Variants in IMPA2 observed in about 807,000 individuals in gnomAD.
IMPA2 encodes the protein inositol monophosphatase 2.
A neutral mutation model predicts 35.1 loss-of-function variants in IMPA2; 32 were observed. That is an observed-to-expected ratio of 0.91 (90% CI 0.69 to 1.23). The LOEUF (loss-of-function observed/expected upper bound fraction) is 1.23. Ranked by LOEUF, IMPA2 falls within the 50% of genes most tolerant of loss-of-function variation. The pLI, the probability that IMPA2 is intolerant of heterozygous loss-of-function variation, is 0.00. For missense variants in IMPA2, 334 were observed against 387.6 expected (o/e 0.86, Z 1.16); for synonymous variants, 135 against 160.6 (o/e 0.84, Z 1.20).
chr18:11,997,432 T>G lies in IMPA2; in HGVS notation c.97-1622T>G, dbSNP rs1906991570. ...TGGACATGGCTATGTGGACGCTGTA[T>G]GCTTTTTTTGGTATGACCTATCACA... is the stretch of plus-strand genomic sequence containing the variant. On this transcript the variant is annotated intron_variant, in intron 1 of 7. Coordinates refer to ENST00000269159, the MANE Select transcript of IMPA2 (RefSeq NM_014214.3). Among the ~76,000 whole-genome samples the G allele has an allele frequency of 2.0e-5, 3 of 152,218 alleles. No homozygotes were observed. The South Asian group carries it at 6.2e-4, about 31-fold the overall frequency.
Position 12,030,316 on chromosome 18 carries a change from T to C in IMPA2, c.752-27T>C. On this transcript the variant is annotated intron_variant, in intron 7 of 7. Coordinates refer to ENST00000269159, the MANE Select transcript of IMPA2 (RefSeq NM_014214.3). ...GTTCAGCCCTCTCTGGTAACCCGGA[T>C]GCCTGGCTCTCTCTGTCTGTCCCCA... 2.6e-6 allele frequency: 4 copies of C among 1,565,624 alleles called. No homozygotes were observed. The South Asian group carries it at 3.3e-5, about 13-fold the overall frequency.
Position 12,016,425 on chromosome 18 carries a change from C to CT in IMPA2, c.490+2068dup, listed in dbSNP as rs1262483020. Among the ~76,000 whole-genome samples the CT allele has an allele frequency of 7.6e-3, 1,002 of 132,330 alleles. 5 individuals carry two copies. The highest frequency in any genetic ancestry group is 7.3e-3 in the East Asian group (36 of 4,898). 86.8% of individuals were successfully genotyped at this position (132,330 alleles called of 152,430 possible). A position where few individuals can be genotyped will look rare whatever the true frequency, so the allele number is the denominator to read the frequency against. ...CCAATTTCAGATCCTGATTCTGCCGCTTTTTTTTTTTTTTTTCTGAGATGG... is the reference window on the plus strand; with the variant it reads ...CCAATTTCAGATCCTGATTCTGCCGCTTTTTTTTTTTTTTTTTCTGAGATGG... On this transcript the variant is annotated intron_variant, in intron 5 of 7. Coordinates refer to ENST00000269159, the MANE Select transcript of IMPA2 (RefSeq NM_014214.3).
At position 12,000,387 on chromosome 18, in the gene IMPA2, G is replaced by A. The variant is rs116009294; in HGVS notation, c.230+1200G>A. Among the ~76,000 whole-genome samples the A allele has an allele frequency of 3.2e-3, 463 of 144,716 alleles. 2 individuals are homozygous for A. Among genetic ancestry groups the A allele is most frequent in the African/African-American group, 0.011 (440 of 38,410 alleles). The allele number at this position is 144,716 out of a possible 152,430, so 94.9% of individuals were successfully genotyped here. On this transcript the variant is annotated intron_variant, in intron 2 of 7. Coordinates refer to ENST00000269159, the MANE Select transcript of IMPA2 (RefSeq NM_014214.3). ...TGATTATATAAATGAAAGAACAAGC[G>A]AGTGTTAAACACTTACCTTCTTTTT... is the stretch of plus-strand genomic sequence containing the variant.
At chr18:12,024,757 T>G (rs1907833585) in intron 5 of IMPA2, among the ~76,000 whole-genome samples, 1 of 152,004 alleles carries the variant, frequency 6.6e-6, no homozygotes, top group South Asian at 2.1e-4. Context: ...CCTCTTTCTT[T>G]CACTTTGTTT....
chr18:12,030,213 G>A (rs563878167), intron 7 of IMPA2, 130 bp from the exon 8 acceptor site: 75 of 676,720 alleles, frequency 1.1e-4, no homozygotes, highest in African/African-American at 1.1e-3. Context: ...TGTTTAATAC[G>A]AGTGTTGGGG....
Position 11,982,258 on chromosome 18 carries a change from G to A in IMPA2, c.96+493G>A, listed in dbSNP as rs148405756. On this transcript the variant is annotated intron_variant, in intron 1 of 7. Transcript: ENST00000269159. ...GCTCCGCGACGGCCACGGACTCAGA[G>A]TTCAGGAGGAACTTGTTACACTGCC... Among the ~76,000 whole-genome samples the A allele has an allele frequency of 1.3e-3, 203 of 152,334 alleles. 2 individuals carry two copies. Among genetic ancestry groups the A allele is most frequent in the African/African-American group, 4.0e-3 (168 of 41,570 alleles).
intron 1 of IMPA2, among the ~76,000 whole-genome samples, chr18:11,995,259 C>G (rs1873334480): frequency 6.6e-6 from 1 of 152,222 alleles, no homozygotes; most frequent in South Asian, 2.1e-4. Context: ...GCATGGGCAG[C>G]ACCACACCTA....
intron 5 of IMPA2, among the ~76,000 whole-genome samples, chr18:12,022,941 A>ATTTTTTTTTTTTTTTTTTTTT (rs35737614): frequency 2.4e-5 from 2 of 81,670 alleles, no homozygotes; most frequent in Non-Finnish European, 2.3e-5. Flanking sequence ...CGCCTGCCTA[A>ATTTTTTTTTTTTTTTTTTTTT]TTTTTTTTTT....
chr18:12,023,609 G>A (rs1373437986), intron 5 of IMPA2, among the ~76,000 whole-genome samples: 6 of 152,340 alleles, frequency 3.9e-5, no homozygotes, highest in Admixed American at 1.3e-4. Context: ...GCCCTCAGGT[G>A]TGGGGAGACT....
intron 2 of IMPA2, chr18:12,008,741 C>T (rs1907349329): frequency 2.8e-6 from 1 of 359,136 alleles, no homozygotes; most frequent in South Asian, 2.1e-5. Flanking sequence ...AGTTGCCATT[C>T]GTGGAGGTAG....
At chr18:12,014,220 C>A in intron 4 of IMPA2, 45 bp from the exon 5 acceptor site, 3 of 1,357,180 alleles carry the variant, frequency 2.2e-6, no homozygotes, top group Non-Finnish European at 3.2e-6. Flanking sequence ...CCACATCAAA[C>A]GAGTGAACCA....
intron 1 of IMPA2, among the ~76,000 whole-genome samples, chr18:11,983,135 T>A (rs554361171): frequency 6.7e-6 from 1 of 150,280 alleles, no homozygotes; most frequent in East Asian, 2.1e-4. Flanking sequence ...ATGAATGAAT[T>A]TAAGAGTGTT....
intron 5 of IMPA2, among the ~76,000 whole-genome samples, chr18:12,021,538 C>A (rs1258931919): frequency 6.7e-6 from 1 of 150,234 alleles, no homozygotes; most frequent in Non-Finnish European, 1.5e-5. Flanking sequence ...TTTTCTTTTT[C>A]TTTTTTTTGA....
chr18:12,002,919 G>A (rs1476255531), intron 2 of IMPA2, among the ~76,000 whole-genome samples: 1 of 151,626 alleles, frequency 6.6e-6, no homozygotes, highest in Admixed American at 6.6e-5. Context: ...TAGGCTGGGC[G>A]CGGTGGTTTA....
chr18:12,000,615 A>ATTT (rs367586917), intron 2 of IMPA2, among the ~76,000 whole-genome samples: 4,985 of 118,162 alleles, frequency 0.042, 375 homozygotes, highest in African/African-American at 0.14. Flanking sequence ...AGTGTTTGTG[A>ATTT]TTTTTTTTTT....
At chr18:12,028,356 A>G in intron 6 of IMPA2, 1 of 561,748 alleles carries the variant, frequency 1.8e-6, no homozygotes. Flanking sequence ...ATGCGTGGGC[A>G]CCTGTGTTGC....
Position 12,005,732 on chromosome 18 carries a change from C to T in IMPA2, c.231-4151C>T, listed in dbSNP as rs532756106. ...TCCTGGGAGGCACGTGGGCATGCCG[C>T]GTGGGTGGTCTGGGTGCTGCAGCGT... is the stretch of plus-strand genomic sequence containing the variant. On this transcript the variant is annotated intron_variant, in intron 2 of 7. Coordinates refer to ENST00000269159, the MANE Select transcript of IMPA2 (RefSeq NM_014214.3). 5.3e-5 allele frequency among the ~76,000 whole-genome samples: 8 copies of T among 152,260 alleles called. No individual in the cohort carries two copies. The South Asian group carries it at 6.2e-4, about 12-fold the overall frequency.
chr18:12,022,557 T>TTG (rs373431969), intron 5 of IMPA2, among the ~76,000 whole-genome samples: 13 of 73,744 alleles, frequency 1.8e-4, no homozygotes, highest in East Asian at 2.9e-4. Flanking sequence ...ATATATATAT[T>TTG]TGTGTGTGTG....
intron 2 of IMPA2, among the ~76,000 whole-genome samples, chr18:12,000,714 C>G (rs925277137): frequency 6.8e-5 from 10 of 147,638 alleles, no homozygotes; most frequent in African/African-American, 2.5e-4. Flanking sequence ...CTCCCGGGTT[C>G]ACGCCATTCT....
Sources: allele counts gnomAD v4.1 joint callset (sites outside exome capture counted in the v4.1 genomes callset), GRCh38; gene constraint gnomAD v4.1.1; transcripts MANE v1.5; gene names NCBI Gene and HGNC (gene_info 2026-07-23, HGNC 2026-07-21).